KLF12: variants seen among roughly 807,000 people sequenced by gnomAD.
The protein encoded by KLF12 is KLF transcription factor 12.
In KLF12, 9 loss-of-function variants were observed where a neutral mutation model predicts 37.8. That is an observed-to-expected ratio of 0.24 (90% confidence interval 0.14 to 0.42). KLF12 has a LOEUF of 0.42. Among genes scored for constraint, KLF12 ranks in the 10% least tolerant of loss-of-function variants. The pLI is 1.00. For missense variants in KLF12, 411 were observed against 516.0 expected (o/e 0.80, Z 1.97); for synonymous variants, 208 against 202.1 (o/e 1.03, Z -0.25).
At chr13:73,830,082 T>G (rs987549229) in intron 4 of KLF12, among the ~76,000 whole-genome samples, 1 of 152,206 alleles carries the variant, frequency 6.6e-6, no homozygotes. Flanking sequence ...AATAGTTGCA[T>G]TAGTTGCAAG....
chr13:74,134,567 C>T (rs1182013149), upstream of KLF12, among the ~76,000 whole-genome samples: 1 of 151,734 alleles, frequency 6.6e-6, no homozygotes, highest in Non-Finnish European at 1.5e-5. Flanking sequence ...GCCCTCCGGC[C>T]CCGGGCCTCG....
intron 2 of KLF12, among the ~76,000 whole-genome samples, chr13:73,968,764 G>C (rs942640032): frequency 6.6e-6 from 1 of 152,080 alleles, no homozygotes; most frequent in Non-Finnish European, 1.5e-5. Flanking sequence ...CACATGATTT[G>C]TCTATTACTA....
At chr13:73,774,407 C>G (rs952691216) in intron 5 of KLF12, among the ~76,000 whole-genome samples, 1 of 151,832 alleles carries the variant, frequency 6.6e-6, no homozygotes, top group Non-Finnish European at 1.5e-5. Context: ...TTTGGCCCTA[C>G]AGGAGATGTG....
the KLF12 span, among the ~76,000 whole-genome samples, chr13:74,173,251 A>G: frequency 6.6e-6 from 1 of 152,182 alleles, no homozygotes; most frequent in Non-Finnish European, 1.5e-5. Flanking sequence ...CCAGTGGAGA[A>G]AGGAACCTTT....
chr13:74,275,871 T>TTTC, the KLF12 span, among the ~76,000 whole-genome samples: 72 of 106,202 alleles, frequency 6.8e-4, no homozygotes, highest in East Asian at 2.3e-3. Flanking sequence ...TCTTTCTATC[T>TTTC]TTCTTTCTTC....
chr13:74,293,486 T>G, the KLF12 span, among the ~76,000 whole-genome samples: 25,671 of 152,152 alleles, frequency 0.17, 2,746 homozygotes, highest in African/African-American at 0.28. Context: ...TACACACACC[T>G]ACACACATAT....
At chr13:74,195,210 T>C in the KLF12 span, among the ~76,000 whole-genome samples, 1 of 152,140 alleles carries the variant, frequency 6.6e-6, no homozygotes, top group Admixed American at 6.5e-5. Context: ...TAAAAGAAAC[T>C]TACAGACAGC....
chr13:73,701,255 T>A (rs528642695), intron 7 of KLF12, among the ~76,000 whole-genome samples: 68 of 152,346 alleles, frequency 4.5e-4, no homozygotes, highest in Admixed American at 1.2e-3. Flanking sequence ...GATCAGAAAC[T>A]TGATTTCTAT....
At chr13:74,181,165 A>AT in the KLF12 span, among the ~76,000 whole-genome samples, 1 of 151,080 alleles carries the variant, frequency 6.6e-6, no homozygotes, top group African/African-American at 2.4e-5. Context: ...TGCCTGGCTA[A>AT]TTTTTTGTAT....
chr13:74,245,483 C>G, the KLF12 span, among the ~76,000 whole-genome samples: 3 of 151,848 alleles, frequency 2.0e-5, no homozygotes, highest in Non-Finnish European at 4.4e-5. Flanking sequence ...CAAAGCAGAT[C>G]TAGTAGGAGG....
chr13:74,186,879 A>G, the KLF12 span, among the ~76,000 whole-genome samples: 2 of 152,210 alleles, frequency 1.3e-5, no homozygotes, highest in Non-Finnish European at 2.9e-5. Context: ...TCAAGGACAT[A>G]GACAGTATGT....
At chr13:73,764,332 G>T (rs1450843284) in intron 6 of KLF12, among the ~76,000 whole-genome samples, 2 of 151,886 alleles carry the variant, frequency 1.3e-5, no homozygotes, top group Admixed American at 6.6e-5. Context: ...TGAAATATTT[G>T]TGAAACACTT....
chr13:74,044,021 A>C (rs908400321), intron 1 of KLF12, among the ~76,000 whole-genome samples: 1 of 152,270 alleles, frequency 6.6e-6, no homozygotes, highest in Non-Finnish European at 1.5e-5. Context: ...TATGGTCAAT[A>C]AATAATTTCT....
At chr13:73,789,417 T>G (rs1881533671) in intron 5 of KLF12, among the ~76,000 whole-genome samples, 1 of 152,056 alleles carries the variant, frequency 6.6e-6, no homozygotes, top group Admixed American at 6.5e-5. Flanking sequence ...AAGCACCAAT[T>G]CTACACATAC....
intron 5 of KLF12, among the ~76,000 whole-genome samples, chr13:73,788,419 C>T (rs1002551588): frequency 1.3e-5 from 2 of 152,058 alleles, no homozygotes; most frequent in African/African-American, 4.8e-5. Flanking sequence ...AATGAAGATA[C>T]AAAATGATGG....
chr13:74,040,227 T>C (rs971416016), intron 1 of KLF12, among the ~76,000 whole-genome samples: 2 of 152,210 alleles, frequency 1.3e-5, no homozygotes, highest in African/African-American at 4.8e-5. Context: ...TCATTTATAT[T>C]TTTTTAGTCT....
chr13:74,202,502 A>G, the KLF12 span, among the ~76,000 whole-genome samples: 1 of 152,150 alleles, frequency 6.6e-6, no homozygotes, highest in Non-Finnish European at 1.5e-5. Flanking sequence ...TGCAAGGCAT[A>G]GAGACTAATT....
At chr13:74,261,965 A>AGTGCT in the KLF12 span, among the ~76,000 whole-genome samples, 2 of 152,138 alleles carry the variant, frequency 1.3e-5, no homozygotes, top group Non-Finnish European at 2.9e-5. Flanking sequence ...ACCTTCAGAG[A>AGTGCT]GTGCTGTGCT....
At chr13:73,947,937 T>C (rs1890503274) in intron 2 of KLF12, among the ~76,000 whole-genome samples, 1 of 152,176 alleles carries the variant, frequency 6.6e-6, no homozygotes, top group Non-Finnish European at 1.5e-5. Context: ...AATGGAGTAA[T>C]AAGGAGCTAG....
Sources: gnomAD v4.1 joint callset for allele counts (sites outside exome capture counted in the v4.1 genomes callset) on GRCh38, gnomAD v4.1.1 for gene constraint, MANE v1.5 for transcripts, NCBI Gene and HGNC (gene_info 2026-07-23, HGNC 2026-07-21) for gene names.